PTPRN2: variants seen among roughly 807,000 people sequenced by gnomAD.
PTPRN2 encodes receptor-type tyrosine-protein phosphatase N2.
PTPRN2 carries 74 observed loss-of-function variants against 118.8 expected under a neutral mutation model. That is an observed-to-expected ratio of 0.62 (90% CI 0.52 to 0.76). The LOEUF is 0.76. Among genes scored for constraint, PTPRN2 ranks in the 30% least tolerant of loss-of-function variants. The pLI is 0.00. For missense variants in PTPRN2, 1,481 were observed against 1,394.4 expected (o/e 1.06, Z -0.99); for synonymous variants, 641 against 608.0 (o/e 1.05, Z -0.80).
At chr7:158,189,577 C>T (rs1049610397) in intron 5 of PTPRN2, among the ~76,000 whole-genome samples, 6 of 152,220 alleles carry the variant, frequency 3.9e-5, no homozygotes, top group African/African-American at 1.2e-4. Flanking sequence ...GGGGGAAAGA[C>T]AGGAAACTGC....
intron 11 of PTPRN2, among the ~76,000 whole-genome samples, chr7:157,968,875 G>A (rs1181792124): frequency 6.6e-6 from 1 of 152,212 alleles, no homozygotes; most frequent in Non-Finnish European, 1.5e-5. Context: ...TTATATCCAT[G>A]CATGAGTTAA....
At chr7:157,604,840 T>C (rs1337596475) in intron 15 of PTPRN2, among the ~76,000 whole-genome samples, 2 of 152,220 alleles carry the variant, frequency 1.3e-5, no homozygotes, top group African/African-American at 2.4e-5. Context: ...TGGCTTTGGT[T>C]CTGGGATAAC....
intron 10 of PTPRN2, among the ~76,000 whole-genome samples, chr7:158,087,885 T>C (rs367882791): frequency 1.3e-4 from 10 of 77,000 alleles, no homozygotes; most frequent in East Asian, 6.7e-4. Context: ...ACAAACCTTC[T>C]TCCCCTGATG....
At chr7:157,548,071 G>A (rs1268899527) in intron 22 of PTPRN2, among the ~76,000 whole-genome samples, 1 of 152,146 alleles carries the variant, frequency 6.6e-6, no homozygotes, top group East Asian at 1.9e-4. Context: ...GTGGAGGGTT[G>A]GTGGATTATT....
intron 11 of PTPRN2, among the ~76,000 whole-genome samples, chr7:157,956,837 T>A (rs1801211981): frequency 2.0e-5 from 3 of 152,262 alleles, no homozygotes. Context: ...AATTCATTTG[T>A]GTGACTAATT....
In PTPRN2 at chr7:158,171,138, A is replaced by T. The variant is rs1823552216; in HGVS notation, c.550-3847T>A. On this transcript the variant is annotated intron_variant, in intron 5 of 22. Coordinates refer to ENST00000389418, the MANE Select transcript of PTPRN2 (RefSeq NM_002847.5). ...TACACACATATATACACATATATAC[A>T]CACATATATATACACATATATATAC... Among the ~76,000 whole-genome samples, 2 of 86,962 alleles carry T rather than the reference A, an allele frequency of 2.3e-5. 1 individual carries two copies. Among genetic ancestry groups the T allele is most frequent in the Non-Finnish European group, 5.0e-5 (2 of 39,612 alleles). The allele number at this position is 86,962 out of a possible 152,430, so 57.1% of individuals were successfully genotyped here.
chr7:157,804,910 C>T (rs748465445), intron 12 of PTPRN2, among the ~76,000 whole-genome samples: 9 of 152,208 alleles, frequency 5.9e-5, no homozygotes, highest in Non-Finnish European at 7.3e-5. Flanking sequence ...AGCCTGGCAA[C>T]AAGCATCCCA....
chr7:158,154,293 C>T (rs1470661198), intron 6 of PTPRN2, among the ~76,000 whole-genome samples: 2 of 152,242 alleles, frequency 1.3e-5, no homozygotes, highest in Non-Finnish European at 2.9e-5. Flanking sequence ...CCAGCCTCTT[C>T]CAGCCTCATG....
chr7:158,185,415 T>C (rs1825054133), intron 5 of PTPRN2, among the ~76,000 whole-genome samples: 1 of 152,224 alleles, frequency 6.6e-6, no homozygotes, highest in Non-Finnish European at 1.5e-5. Context: ...ACTGATACTT[T>C]ATCTATTTGT....
At chr7:158,254,947 G>A (rs1023655434) in intron 3 of PTPRN2, among the ~76,000 whole-genome samples, 1 of 152,232 alleles carries the variant, frequency 6.6e-6, no homozygotes, top group Non-Finnish European at 1.5e-5. Context: ...GGAAAATCCC[G>A]AGGCATGGCC....
rs1050811163 is a variant in PTPRN2, at chr7:158,544,913, C to T, written c.112+42645G>A. 6.6e-6 allele frequency among the ~76,000 whole-genome samples: 1 copy of T among 152,222 alleles called. No individual in the cohort carries two copies. Among genetic ancestry groups the T allele is most frequent in the African/African-American group, 2.4e-5 (1 of 41,466 alleles). On this transcript the variant is annotated intron_variant, in intron 1 of 22. Transcript: ENST00000389418. The surrounding 1 kb of genome is among the most constrained non-coding windows in gnomAD (Gnocchi z 4.2). ...ACTGGTGCTCACACTCACGTGATCA[C>T]ACCCACTCTTTCTTCTTGTGGAAAG...
intron 3 of PTPRN2, among the ~76,000 whole-genome samples, chr7:158,248,368 G>A (rs759763261): frequency 6.6e-6 from 1 of 152,306 alleles, no homozygotes; most frequent in Non-Finnish European, 1.5e-5. Context: ...CCGACCACGT[G>A]GGGACACAGC....
intron 14 of PTPRN2, among the ~76,000 whole-genome samples, chr7:157,646,953 T>C (rs1211664301): frequency 2.0e-5 from 3 of 147,266 alleles, no homozygotes; most frequent in Non-Finnish European, 4.5e-5. Context: ...CAGGGTGCAC[T>C]GAACTCGGTG....
At position 157,710,798 on chromosome 7, in the gene PTPRN2, C is replaced by T. The variant is rs1001316228; in HGVS notation, c.1789-27861G>A. ...GGTTCCGGGGCAGCCGGGTTACACG[C>T]GAGAGCCCCACGCGCCGGAGGTTCC... On this transcript the variant is annotated intron_variant, in intron 12 of 22. Transcript: ENST00000389418. Among the ~76,000 whole-genome samples the T allele has an allele frequency of 1.1e-4, 17 of 151,142 alleles. 2 individuals carry two copies. Among genetic ancestry groups the T allele is most frequent in the African/African-American group, 3.9e-4 (16 of 41,260 alleles).
intron 2 of PTPRN2, among the ~76,000 whole-genome samples, chr7:158,330,784 C>T (rs1469347548): frequency 7.7e-5 from 9 of 116,672 alleles, no homozygotes; most frequent in Admixed American, 2.9e-4. Context: ...GCAGACGTCA[C>T]TCACACCCAC....
chr7:158,260,997 T>C (rs1329200112), intron 3 of PTPRN2, among the ~76,000 whole-genome samples: 1 of 152,082 alleles, frequency 6.6e-6, no homozygotes, highest in Non-Finnish European at 1.5e-5. Flanking sequence ...TCAGAGCCAC[T>C]TGTAGGAGGT....
chr7:158,518,317 T>C (rs1464316090), intron 1 of PTPRN2, among the ~76,000 whole-genome samples: 1 of 150,078 alleles, frequency 6.7e-6, no homozygotes, highest in Non-Finnish European at 1.5e-5. Context: ...TTTCACGGGG[T>C]GGGAGAAGGA....
intron 2 of PTPRN2, among the ~76,000 whole-genome samples, chr7:158,385,185 T>C (rs1249080397): frequency 6.6e-6 from 1 of 152,224 alleles, no homozygotes; most frequent in Non-Finnish European, 1.5e-5. Context: ...GTCTTCTTTG[T>C]AAACCAATCA....
intron 3 of PTPRN2, among the ~76,000 whole-genome samples, chr7:158,314,305 T>G (rs1198802761): frequency 6.6e-6 from 1 of 152,230 alleles, no homozygotes; most frequent in Non-Finnish European, 1.5e-5. Context: ...ATGAGGCTTT[T>G]CCCTCTTCTC....
Sources: allele counts gnomAD v4.1 joint callset (sites outside exome capture counted in the v4.1 genomes callset), GRCh38; gene constraint gnomAD v4.1.1; non-coding constraint Gnocchi (gnomAD v3.1); transcripts MANE v1.5; gene names NCBI Gene and HGNC (gene_info 2026-07-23, HGNC 2026-07-21).